Variants in RSU1 observed in about 807,000 individuals in gnomAD.
RSU1 encodes Ras suppressor protein 1.
RSU1 carries 26 observed loss-of-function variants against 31.1 expected under a neutral mutation model. The observed-to-expected ratio is 0.84, with a 90% CI of 0.61 to 1.16. RSU1 has a LOEUF of 1.16. Among genes scored for constraint, RSU1 ranks in the 50% most tolerant of loss-of-function variants. RSU1 has a pLI of 0.00. For missense variants in RSU1, 320 were observed against 339.1 expected (o/e 0.94, Z 0.44); for synonymous variants, 164 against 136.3 (o/e 1.20, Z -1.41).
intron 8 of RSU1, among the ~76,000 whole-genome samples, chr10:16,646,980 C>CT (rs1007212635): frequency 4.7e-4 from 68 of 144,154 alleles, no homozygotes; most frequent in Middle Eastern, 3.5e-3. Context: ...GGTACTGCAA[C>CT]TTTTTTTTTT....
rs1455852599 is a variant in RSU1 at position 16,645,870 on chromosome 10, ACATATATGTG to A, written c.731+49143_731+49152del. Among the ~76,000 whole-genome samples the A allele has an allele frequency of 3.5e-4, 42 of 120,804 alleles. 1 individual carries two copies. Among genetic ancestry groups the A allele is most frequent in the African/African-American group, 1.6e-3 (40 of 24,280 alleles). The allele number at this position is 120,804 out of a possible 152,430, so 79.3% of individuals were successfully genotyped here. A position where few individuals can be genotyped will look rare whatever the true frequency, so the allele number is the denominator to read the frequency against. ...GGTTTTAAAATATATACGTATATATACATATATGTGTATATACATATATGTATATACACAT... is the reference window on the plus strand; with the variant it reads ...GGTTTTAAAATATATACGTATATATATATATACATATATGTATATACACAT... On this transcript the variant is annotated intron_variant, in intron 8 of 8. Coordinates refer to ENST00000345264, the MANE Select transcript of RSU1 (RefSeq NM_012425.4).
chr10:16,622,619 A>T (rs75347229), intron 8 of RSU1, among the ~76,000 whole-genome samples: 1 of 152,230 alleles, frequency 6.6e-6, no homozygotes, highest in Non-Finnish European at 1.5e-5. Flanking sequence ...GGGAAAAAAA[A>T]TGTTGAATGG....
chr10:16,755,054 G>A (rs1837056124), intron 4 of RSU1, 65 bp from the exon 5 acceptor site: 1 of 914,828 alleles, frequency 1.1e-6, no homozygotes, highest in East Asian at 2.5e-5. Context: ...ACTATCAAGG[G>A]CACCTCTGTT....
At chr10:16,774,753 C>T (rs1393153374) in intron 3 of RSU1, among the ~76,000 whole-genome samples, 1 of 152,216 alleles carries the variant, frequency 6.6e-6, no homozygotes, top group Non-Finnish European at 1.5e-5. Context: ...CACTTCTCTA[C>T]AGATCAGGGT....
chr10:16,613,133 AG>A (rs1211885800), intron 8 of RSU1, among the ~76,000 whole-genome samples: 1 of 152,186 alleles, frequency 6.6e-6, no homozygotes, highest in Non-Finnish European at 1.5e-5. Flanking sequence ...CTTACATTAC[AG>A]TTATTCCCCC....
chr10:16,711,551 C>T (rs1240974147), intron 7 of RSU1, among the ~76,000 whole-genome samples: 2 of 152,138 alleles, frequency 1.3e-5, no homozygotes, highest in Admixed American at 6.6e-5. Context: ...GTTAGAACTG[C>T]TCTCTCGCTG....
At chr10:16,791,511 C>A (rs767398745) in intron 2 of RSU1, among the ~76,000 whole-genome samples, 9 of 151,790 alleles carry the variant, frequency 5.9e-5, no homozygotes, top group Non-Finnish European at 1.2e-4. Context: ...TACCTGTAGT[C>A]CCAGCTACTT....
At chr10:16,669,376 C>G (rs1399496220) in intron 8 of RSU1, among the ~76,000 whole-genome samples, 2 of 151,206 alleles carry the variant, frequency 1.3e-5, no homozygotes, top group African/African-American at 2.4e-5. Flanking sequence ...TTTTTTTTCC[C>G]CCCCCAAAGC....
chr10:16,815,993 C>G (rs7900527), intron 2 of RSU1, among the ~76,000 whole-genome samples: 30,256 of 152,150 alleles, frequency 0.2, 3,468 homozygotes, highest in African/African-American at 0.32. Context: ...TTCAGAAAGG[C>G]CTTGTACATC....
intron 7 of RSU1, among the ~76,000 whole-genome samples, chr10:16,714,938 T>C (rs1212130725): frequency 1.3e-5 from 2 of 152,114 alleles, no homozygotes; most frequent in East Asian, 1.9e-4. Flanking sequence ...GACTCCTATA[T>C]CAAAGACTGC....
intron 7 of RSU1, among the ~76,000 whole-genome samples, chr10:16,718,773 T>C (rs953288250): frequency 1.3e-5 from 2 of 151,858 alleles, no homozygotes; most frequent in Non-Finnish European, 2.9e-5. Context: ...CTGAGGTTAG[T>C]AGATCAAGAC....
At chr10:16,704,650 C>T (rs920647562) in intron 7 of RSU1, among the ~76,000 whole-genome samples, 1 of 152,246 alleles carries the variant, frequency 6.6e-6, no homozygotes, top group African/African-American at 2.4e-5. Context: ...TCATCAGAAT[C>T]ATTCCCTTTG....
At chr10:16,626,556 C>T (rs996078928) in intron 8 of RSU1, among the ~76,000 whole-genome samples, 2 of 152,174 alleles carry the variant, frequency 1.3e-5, no homozygotes, top group South Asian at 2.1e-4. Context: ...TGTCTGGATG[C>T]ACTGGGGAGG....
At chr10:16,809,976 T>C (rs1838368145) in intron 2 of RSU1, among the ~76,000 whole-genome samples, 1 of 140,912 alleles carries the variant, frequency 7.1e-6, no homozygotes, top group Non-Finnish European at 1.6e-5. Flanking sequence ...ATCCCAGCAA[T>C]TTGGGAGGCC....
chr10:16,727,036 G>A (rs889324011), intron 7 of RSU1: 2 of 456,246 alleles, frequency 4.4e-6, no homozygotes, highest in African/African-American at 4.0e-5. Context: ...CTTACCTGAA[G>A]TTAATGAGGG....
intron 7 of RSU1, among the ~76,000 whole-genome samples, chr10:16,744,263 G>C (rs2131612983): frequency 1.3e-5 from 2 of 152,202 alleles, no homozygotes; most frequent in Admixed American, 1.3e-4. Context: ...GATTTATATA[G>C]CATATGTTAA....
chr10:16,811,378 C>A (rs148257560), intron 2 of RSU1, among the ~76,000 whole-genome samples: 1 of 152,146 alleles, frequency 6.6e-6, no homozygotes, highest in African/African-American at 2.4e-5. Context: ...GTATTAAGAC[C>A]ATCAGGTACC....
At chr10:16,772,128 ACT>A (rs1837434873) in intron 3 of RSU1, among the ~76,000 whole-genome samples, 1 of 152,176 alleles carries the variant, frequency 6.6e-6, no homozygotes, top group African/African-American at 2.4e-5. Context: ...CAATGGCCCT[ACT>A]CTTTCACCAG....
rs1052544196 is a variant in RSU1, at chr10:16,659,766, T to G, written c.731+35257A>C. Among the ~76,000 whole-genome samples the G allele has an allele frequency of 5.3e-5, 8 of 152,222 alleles. No individual in the cohort carries two copies. The East Asian group carries it at 1.5e-3, about 29-fold the overall frequency. On this transcript the variant is annotated intron_variant, in intron 8 of 8. Transcript: ENST00000345264. ...TTCACTCTTCCAAATAACTGCAGAA[T>G]TAGCTTGTCAATTTGAACTCTTTTC... is the stretch of plus-strand genomic sequence containing the variant.
Sources: allele counts gnomAD v4.1 joint callset (sites outside exome capture counted in the v4.1 genomes callset), GRCh38; gene constraint gnomAD v4.1.1; transcripts MANE v1.5; gene names NCBI Gene and HGNC (gene_info 2026-07-23, HGNC 2026-07-21).